The following TM9SF4 variants were observed in gnomAD, a reference collection of about 807,000 sequenced individuals.
The protein encoded by TM9SF4 is transmembrane 9 superfamily member 4, also known as dinucleotide oxidase disulfide thiol exchanger 3 superfamily member 4.
TM9SF4 carries 26 observed loss-of-function variants against 90.4 expected under a neutral mutation model. That is an observed-to-expected ratio of 0.29 (90% CI 0.21 to 0.40). The LOEUF (loss-of-function observed/expected upper bound fraction) is 0.40, where lower values mean the gene tolerates loss of function less well. Among genes scored for constraint, TM9SF4 ranks in the 10% least tolerant of loss-of-function variants. The probability of loss-of-function intolerance (pLI) is 1.00; values close to 1 mark genes in which losing one functional copy is unlikely to be tolerated. For missense variants in TM9SF4, 549 were observed against 834.8 expected (o/e 0.66, Z 4.22); for synonymous variants, 293 against 315.4 (o/e 0.93, Z 0.75).
At chr20:32,115,158 A>G (rs552149291) in intron 1 of TM9SF4, among the ~76,000 whole-genome samples, 21 of 152,312 alleles carry the variant, frequency 1.4e-4, no homozygotes, top group African/African-American at 4.8e-4. Context: ...AGGTGCTGAC[A>G]TCGGGCCTTG....
intron 15 of TM9SF4, 66 bp from the exon 16 acceptor site, chr20:32,159,926 G>T: frequency 1.9e-6 from 3 of 1,606,864 alleles, no homozygotes; most frequent in East Asian, 2.2e-5. Context: ...CTTGTGACAG[G>T]TTGGTGTGCC....
intron 12 of TM9SF4, among the ~76,000 whole-genome samples, chr20:32,153,970 C>T (rs914850742): frequency 1.3e-5 from 2 of 152,070 alleles, no homozygotes; most frequent in South Asian, 4.1e-4. Flanking sequence ...ATCGCCAGGC[C>T]TCAGTGTCCT....
chr20:32,121,875 G>A (rs1175357185), intron 1 of TM9SF4, among the ~76,000 whole-genome samples: 7 of 143,862 alleles, frequency 4.9e-5, no homozygotes, highest in East Asian at 4.3e-4. Context: ...CTGGCCGGGC[G>A]GGGGGCTGAC....
rs1455837504 is a variant in TM9SF4, at chr20:32,137,089, C to T, written c.229+916C>T. The T allele has an allele frequency of 4.8e-5, 22 of 453,972 alleles. 1 individual carries two copies. The highest frequency in any genetic ancestry group is 3.5e-4 in the Admixed American group (15 of 42,536). The allele number at this position is 453,972 out of a possible 1,614,324, so 28.1% of individuals were successfully genotyped here. On this transcript the variant is annotated intron_variant, in intron 3 of 17. Coordinates refer to ENST00000398022, the MANE Select transcript of TM9SF4 (RefSeq NM_014742.4). ...CATCTCCCCCTAATACCAACTGTGCCGAAGTCTTGCCTTGTAGCGTTGAAC... is the reference window on the plus strand; with the variant it reads ...CATCTCCCCCTAATACCAACTGTGCTGAAGTCTTGCCTTGTAGCGTTGAAC...
chr20:32,112,056 C>G (rs1038582688), intron 1 of TM9SF4, among the ~76,000 whole-genome samples: 12 of 152,188 alleles, frequency 7.9e-5, no homozygotes, highest in African/African-American at 2.9e-4. Context: ...CCAGCTTGTT[C>G]TCAGTTGGCA....
chr20:32,122,440 C>T (rs2046335641), intron 1 of TM9SF4, among the ~76,000 whole-genome samples: 1 of 150,198 alleles, frequency 6.7e-6, no homozygotes. Context: ...AGGCTCCTCA[C>T]TTCTCATACG....
chr20:32,131,113 TAA>T (rs1201957473), intron 1 of TM9SF4, among the ~76,000 whole-genome samples: 2 of 152,238 alleles, frequency 1.3e-5, no homozygotes, highest in Non-Finnish European at 2.9e-5. Flanking sequence ...TCATTTCTTT[TAA>T]AGATTTTCCT....
intron 15 of TM9SF4, chr20:32,159,270 A>G (rs4911552): frequency 0.69 from 104,811 of 152,220 alleles, 37,841 homozygotes; most frequent in East Asian, 0.99. Flanking sequence ...TGCTGTTGTA[A>G]TGGTGATGAT....
chr20:32,158,622 T>C, intron 15 of TM9SF4, 108 bp downstream of exon 15: 1 of 1,095,504 alleles, frequency 9.1e-7, no homozygotes. Context: ...ATGGGCCACT[T>C]CACCTCTCGG....
At chr20:32,134,267 G>A (rs2046563289) in intron 2 of TM9SF4, among the ~76,000 whole-genome samples, 1 of 152,190 alleles carries the variant, frequency 6.6e-6, no homozygotes. Flanking sequence ...CCTTGGGTGG[G>A]AAGAGAGGGA....
At chr20:32,121,441 A>G (rs1249339566) in intron 1 of TM9SF4, among the ~76,000 whole-genome samples, 1 of 152,000 alleles carries the variant, frequency 6.6e-6, no homozygotes, top group African/African-American at 2.4e-5. Flanking sequence ...CTGTTTAACA[A>G]AGCACATCTT....
chr20:32,149,784 G>C lies in TM9SF4; in HGVS notation c.1087+18G>C, dbSNP rs573813076. ...CGTCATCTGTGAGTGTGCCCAGCGG[G>C]GCCGGGCATGGGGGCATGGCTTCCT... On this transcript the variant is annotated intron_variant, in intron 10 of 17. Transcript: ENST00000398022. 5 of 1,613,108 alleles carry C rather than the reference G, an allele frequency of 3.1e-6. No homozygotes were observed. In the African/African-American group the frequency reaches 5.3e-5, roughly 17 times the overall value.
intron 1 of TM9SF4, among the ~76,000 whole-genome samples, chr20:32,121,870 C>A (rs1465638388): frequency 2.2e-4 from 32 of 147,028 alleles, no homozygotes; most frequent in Admixed American, 2.1e-3. Flanking sequence ...GGCGGCTGGC[C>A]GGGCGGGGGG....
intron 12 of TM9SF4, 45 bp from the exon 13 acceptor site, chr20:32,155,058 G>T: frequency 5.2e-6 from 8 of 1,540,962 alleles, no homozygotes; most frequent in Non-Finnish European, 7.2e-6. Flanking sequence ...ACAGGTAGGG[G>T]AGGTCCCTGG....
chr20:32,145,554 C>T, intron 8 of TM9SF4, 131 bp downstream of exon 8: 1 of 729,234 alleles, frequency 1.4e-6, no homozygotes, highest in South Asian at 1.7e-5. Flanking sequence ...CATCAGGGCT[C>T]TGCTAAGCAT....
At chr20:32,157,212 C>A (rs1167672870) in intron 13 of TM9SF4, among the ~76,000 whole-genome samples, 1 of 152,116 alleles carries the variant, frequency 6.6e-6, no homozygotes, top group East Asian at 1.9e-4. Context: ...CTCAGCCTCC[C>A]AAACTGCTGG....
At chr20:32,123,030 G>C (rs1432131823) in intron 1 of TM9SF4, among the ~76,000 whole-genome samples, 11 of 150,824 alleles carry the variant, frequency 7.3e-5, no homozygotes, top group Non-Finnish European at 1.2e-4. Flanking sequence ...CCAGTCAGGC[G>C]TGGCGGCGTG....
intron 12 of TM9SF4, 137 bp downstream of exon 12, chr20:32,151,012 C>A: frequency 9.5e-7 from 1 of 1,054,280 alleles, no homozygotes; most frequent in Non-Finnish European, 1.4e-6. Context: ...GCAGGAGCAG[C>A]ACAGGTCCAA....
intron 12 of TM9SF4, 79 bp from the exon 13 acceptor site, chr20:32,155,022 GCT>G (rs2046897916): frequency 2.0e-6 from 2 of 997,298 alleles, no homozygotes; most frequent in Non-Finnish European, 3.2e-6. Flanking sequence ...GGGCTTAAGA[GCT>G]TCTGGTCTGG....
Sources: allele counts gnomAD v4.1 joint callset (sites outside exome capture counted in the v4.1 genomes callset), GRCh38; gene constraint gnomAD v4.1.1; transcripts MANE v1.5; gene names NCBI Gene and HGNC (gene_info 2026-07-23, HGNC 2026-07-21).